Variants in CA10 observed in about 807,000 individuals in gnomAD.
CA10 encodes the protein carbonic anhydrase-related protein 10.
Under a neutral mutation model 44.2 loss-of-function variants are expected in CA10, and 14 were observed. That is an observed-to-expected ratio of 0.32 (90% CI 0.21 to 0.50). The LOEUF is 0.50. Among genes scored for constraint, CA10 ranks in the 20% least tolerant of loss-of-function variants. CA10 has a pLI of 0.99. For synonymous variants in CA10, 159 were observed against 141.6 expected, an observed-to-expected ratio of 1.12 and a Z score of -0.87; for missense variants, 350 against 409.7, an observed-to-expected ratio of 0.85 and a Z score of 1.26.
intron 3 of CA10, among the ~76,000 whole-genome samples, chr17:51,901,084 C>G (rs183934401): frequency 1.3e-5 from 2 of 152,264 alleles, no homozygotes; most frequent in Admixed American, 1.3e-4. Context: ...AAGAAGACAT[C>G]TTGGCTTTTT....
intron 4 of CA10, among the ~76,000 whole-genome samples, chr17:51,743,772 G>T (rs924332433): frequency 6.6e-6 from 1 of 152,170 alleles, no homozygotes; most frequent in Non-Finnish European, 1.5e-5. Flanking sequence ...ATGCTTTCTT[G>T]CTAGAAGTGT....
At position 51,747,749 on chromosome 17, in the gene CA10, T is replaced by G; in HGVS notation, c.349A>C (p.Ile117Leu). ...LRLDKEHLVN[I>L]SGGPMTYSHR... is the part of the protein sequence containing the mutation. ...CTGTATGTCATGGGCCCTCCAGATA[T>G]GTTGACCAAGTGCTCCTTGTCCAGG... Residue 117 changes from isoleucine to leucine, a missense_variant, in exon 4 of 9, where the codon ATA (isoleucine) becomes CTA (leucine). Ile to Leu is a conservative substitution (Grantham distance 5, BLOSUM62 2). Transcript: ENST00000451037. 2 of 1,614,198 alleles carry G rather than the reference T, an allele frequency of 1.2e-6. No homozygotes were observed. The highest frequency in any genetic ancestry group is 1.7e-6 in the Non-Finnish European group (2 of 1,180,012).
chr17:51,682,521 C>G (rs767781214), intron 4 of CA10, among the ~76,000 whole-genome samples: 3 of 152,156 alleles, frequency 2.0e-5, no homozygotes, highest in Non-Finnish European at 2.9e-5. Context: ...GGGCTAGATA[C>G]TCCTGCTCCC....
At chr17:51,884,353 T>C (rs193043543) in intron 3 of CA10, among the ~76,000 whole-genome samples, 269 of 151,836 alleles carry the variant, frequency 1.8e-3, no homozygotes, top group African/African-American at 6.4e-3. Context: ...TTGCAATCCC[T>C]CTCACCTCAT....
chr17:51,664,571 A>T lies in CA10; in HGVS notation c.466-10835T>A, dbSNP rs188267433. 7.1e-3 allele frequency among the ~76,000 whole-genome samples: 1,077 copies of T among 152,098 alleles called. 11 individuals are homozygous for T. The highest frequency in any genetic ancestry group is 0.025 in the African/African-American group (1,016 of 41,444). On this transcript the variant is annotated intron_variant, in intron 4 of 8. Coordinates refer to ENST00000451037, the MANE Select transcript of CA10 (RefSeq NM_020178.5). ...GATGAAGTATACAAAAAAAAAAAAA[A>T]AATAGAATCTAATGCTTCAACCTGA...
intron 1 of CA10, among the ~76,000 whole-genome samples, chr17:52,098,279 T>C (rs1376310080): frequency 6.6e-6 from 1 of 152,206 alleles, no homozygotes. Flanking sequence ...TTATCAAACC[T>C]CAGTGTGTGC....
chr17:51,707,671 ATGTGTGTGTGTGTGTGTGTG>A (rs3031847), intron 4 of CA10, among the ~76,000 whole-genome samples: 1 of 142,910 alleles, frequency 7.0e-6, no homozygotes, highest in African/African-American at 2.6e-5. Context: ...GTGGATGAAT[ATGTGTGTGTGTGTGTGTGTG>A]TGTGTGTGTG....
chr17:51,848,422 A>G (rs548477563), intron 3 of CA10, among the ~76,000 whole-genome samples: 8 of 152,264 alleles, frequency 5.3e-5, no homozygotes, highest in African/African-American at 1.9e-4. Flanking sequence ...AATTGGTCTG[A>G]TATTAACTAT....
At chr17:51,997,959 T>C (rs1050910765) in intron 2 of CA10, among the ~76,000 whole-genome samples, 3 of 152,026 alleles carry the variant, frequency 2.0e-5, no homozygotes, top group Non-Finnish European at 4.4e-5. Context: ...GTGATAACCC[T>C]AAGGTCACTT....
chr17:51,951,740 C>G (rs951264650), intron 2 of CA10, among the ~76,000 whole-genome samples: 1 of 152,160 alleles, frequency 6.6e-6, no homozygotes, highest in Non-Finnish European at 1.5e-5. Flanking sequence ...TAATCAATAA[C>G]TGCAGATGTA....
intron 1 of CA10, among the ~76,000 whole-genome samples, chr17:52,131,462 T>C (rs995260147): frequency 1.3e-5 from 2 of 152,216 alleles, no homozygotes; most frequent in African/African-American, 4.8e-5. Flanking sequence ...AGTGAAACAA[T>C]TACTGAATTA....
chr17:52,024,424 A>T (rs1986236500), intron 2 of CA10, among the ~76,000 whole-genome samples: 1 of 151,396 alleles, frequency 6.6e-6, no homozygotes, highest in Admixed American at 6.6e-5. Flanking sequence ...AGTTGCCCTA[A>T]GTGAGAGTAC....
At chr17:52,107,040 TCCATATATTTGATAATTTAAGAAGAA>T (rs1347364920) in intron 1 of CA10, among the ~76,000 whole-genome samples, 2 of 152,156 alleles carry the variant, frequency 1.3e-5, no homozygotes, top group Non-Finnish European at 2.9e-5. Context: ...ATCTTTCGAT[TCCATATATTTGATAATTTAAGAAGAA>T]CCATGACCAG....
At chr17:51,952,231 T>C (rs1252394667) in intron 2 of CA10, among the ~76,000 whole-genome samples, 1 of 152,216 alleles carries the variant, frequency 6.6e-6, no homozygotes, top group Non-Finnish European at 1.5e-5. Context: ...CTAAAGCTGC[T>C]ATAACAAGTA....
intron 1 of CA10, among the ~76,000 whole-genome samples, chr17:52,074,028 T>C (rs1987753876): frequency 6.6e-6 from 1 of 152,202 alleles, no homozygotes. Flanking sequence ...GAAAGGGTTC[T>C]GATTCTTCCT....
At chr17:51,810,054 C>A (rs1186857443) in intron 3 of CA10, among the ~76,000 whole-genome samples, 1 of 152,156 alleles carries the variant, frequency 6.6e-6, no homozygotes, top group African/African-American at 2.4e-5. Context: ...TGTCATTTAG[C>A]TTTCAGCCTC....
chr17:51,791,233 T>G (rs1053504714), intron 3 of CA10, among the ~76,000 whole-genome samples: 3 of 152,180 alleles, frequency 2.0e-5, no homozygotes, highest in African/African-American at 7.2e-5. Context: ...CATTCCAAAT[T>G]TCATGACTCA....
intron 3 of CA10, among the ~76,000 whole-genome samples, chr17:51,752,093 T>A (rs1904911854): frequency 6.6e-6 from 1 of 151,858 alleles, no homozygotes; most frequent in Non-Finnish European, 1.5e-5. Flanking sequence ...CACCCCCTTT[T>A]CCCCACTCTT....
chr17:51,955,622 A>G lies in CA10; in HGVS notation c.137-24490T>C, dbSNP rs796093191. 6.6e-5 allele frequency among the ~76,000 whole-genome samples: 10 copies of G among 152,230 alleles called. 2 individuals are homozygous for G. The highest frequency in any genetic ancestry group is 2.4e-4 in the African/African-American group (10 of 41,552). On this transcript the variant is annotated intron_variant, in intron 2 of 8. Transcript: ENST00000451037. ...GTTTCTGAGAAACCTTCCAGCCAAA[A>G]TGAATCACTCCCCCACCTAAGCTTT...
Sources: allele counts gnomAD v4.1 joint callset (sites outside exome capture counted in the v4.1 genomes callset), GRCh38; gene constraint gnomAD v4.1.1; transcripts MANE v1.5; gene names NCBI Gene and HGNC (gene_info 2026-07-23, HGNC 2026-07-21).